Variants in GRID2 observed in about 807,000 individuals in gnomAD.
GRID2 encodes the protein glutamate receptor ionotropic, delta-2.
Under a neutral mutation model 114.8 loss-of-function variants are expected in GRID2, and 33 were observed. The ratio of observed to expected loss-of-function variants is 0.29; its 90% CI spans 0.22 to 0.38. The LOEUF (loss-of-function observed/expected upper bound fraction) is 0.38. Among genes scored for constraint, GRID2 ranks in the 10% least tolerant of loss-of-function variants. The probability of loss-of-function intolerance (pLI) is 1.00; values close to 1 mark genes in which losing one functional copy is unlikely to be tolerated. For missense variants in GRID2, 1,184 were observed against 1,257.7 expected, an observed-to-expected ratio of 0.94 and a Z score of 0.89; for synonymous variants, 505 against 449.9, an observed-to-expected ratio of 1.12 and a Z score of -1.55.
chr4:93,370,620 T>C (rs528253078), intron 8 of GRID2, among the ~76,000 whole-genome samples: 4 of 152,180 alleles, frequency 2.6e-5, no homozygotes, highest in Non-Finnish European at 5.9e-5. Flanking sequence ...TTCTTCCCTC[T>C]TTTTTCTGCT....
At chr4:93,528,125 A>G (rs918975030) in intron 13 of GRID2, among the ~76,000 whole-genome samples, 2 of 151,706 alleles carry the variant, frequency 1.3e-5, no homozygotes, top group Non-Finnish European at 2.9e-5. Flanking sequence ...ATGTGTGTGT[A>G]TATATATCCT....
chr4:93,221,843 T>C (rs1235835820), intron 6 of GRID2, among the ~76,000 whole-genome samples: 4 of 152,124 alleles, frequency 2.6e-5, no homozygotes, highest in Admixed American at 2.0e-4. Context: ...TGAGGAGACG[T>C]AGTCATTTAT....
intron 1 of GRID2, among the ~76,000 whole-genome samples, chr4:92,495,770 T>C (rs914712386): frequency 6.6e-6 from 1 of 151,832 alleles, no homozygotes; most frequent in African/African-American, 2.4e-5. Context: ...TTCAAAGTAA[T>C]TGTGTAGGGT....
chr4:92,780,894 G>A (rs1739041183), intron 2 of GRID2, among the ~76,000 whole-genome samples: 3 of 152,050 alleles, frequency 2.0e-5, no homozygotes, highest in African/African-American at 7.2e-5. Context: ...CTAGGACATT[G>A]GCAAATGACT....
chr4:93,544,948 A>ATGTGC (rs1385302475), intron 13 of GRID2, among the ~76,000 whole-genome samples: 1 of 152,156 alleles, frequency 6.6e-6, no homozygotes, highest in Admixed American at 6.5e-5. Context: ...CATTCTTAAA[A>ATGTGC]TGTGCTATTT....
At chr4:93,201,818 G>T (rs926748545) in intron 4 of GRID2, among the ~76,000 whole-genome samples, 5 of 152,154 alleles carry the variant, frequency 3.3e-5, no homozygotes, top group Non-Finnish European at 7.3e-5. Flanking sequence ...AAGACACAGT[G>T]ATAAATTGTC....
intron 11 of GRID2, among the ~76,000 whole-genome samples, chr4:93,481,586 A>G (rs2149447314): frequency 6.6e-6 from 1 of 152,176 alleles, no homozygotes; most frequent in African/African-American, 2.4e-5. Flanking sequence ...TGGAACCATA[A>G]TCTTCAAAAT....
intron 1 of GRID2, among the ~76,000 whole-genome samples, chr4:92,546,385 T>C (rs1726261984): frequency 6.6e-6 from 1 of 152,206 alleles, no homozygotes; most frequent in Non-Finnish European, 1.5e-5. Context: ...GACCCTTTTA[T>C]CATGGAGAGA....
At chr4:93,037,924 CTT>C (rs1239343521) in intron 2 of GRID2, among the ~76,000 whole-genome samples, 1 of 152,106 alleles carries the variant, frequency 6.6e-6, no homozygotes, top group Non-Finnish European at 1.5e-5. Flanking sequence ...TATGCAGACT[CTT>C]TTTTGGTTCC....
At chr4:93,257,509 A>T (rs923482031) in intron 8 of GRID2, among the ~76,000 whole-genome samples, 1 of 151,754 alleles carries the variant, frequency 6.6e-6, no homozygotes, top group Non-Finnish European at 1.5e-5. Context: ...TATTAACTTT[A>T]CAAATATTGA....
At chr4:92,663,223 T>C (rs139804217) in intron 2 of GRID2, among the ~76,000 whole-genome samples, 1,546 of 151,118 alleles carry the variant, frequency 0.01, 29 homozygotes, top group African/African-American at 0.034. Flanking sequence ...TTCAAGTAGC[T>C]CCAAGTAAAT....
chr4:92,433,636 T>C (rs140247809), intron 1 of GRID2, among the ~76,000 whole-genome samples: 59 of 152,302 alleles, frequency 3.9e-4, no homozygotes, highest in Middle Eastern at 3.4e-3. Flanking sequence ...CAAGACTGTC[T>C]TTCCACCCCC....
intron 2 of GRID2, among the ~76,000 whole-genome samples, chr4:92,621,986 A>G (rs1391235320): frequency 6.6e-6 from 1 of 151,822 alleles, no homozygotes; most frequent in Non-Finnish European, 1.5e-5. Context: ...ACATTGAACT[A>G]TTGAGCTAAT....
At chr4:93,218,451 C>T (rs1744489908) in intron 6 of GRID2, among the ~76,000 whole-genome samples, 1 of 152,008 alleles carries the variant, frequency 6.6e-6, no homozygotes, top group Non-Finnish European at 1.5e-5. Flanking sequence ...CTGCAGTGAG[C>T]CAAGATTGTG....
chr4:93,680,766 A>T (rs1725441551), intron 14 of GRID2, among the ~76,000 whole-genome samples: 1 of 152,060 alleles, frequency 6.6e-6, no homozygotes, highest in African/African-American at 2.4e-5. Flanking sequence ...TTAGGTATTG[A>T]TGGGACGTAT....
At chr4:93,622,022 T>C (rs1742258683) in intron 13 of GRID2, among the ~76,000 whole-genome samples, 1 of 152,096 alleles carries the variant, frequency 6.6e-6, no homozygotes, top group Non-Finnish European at 1.5e-5. Context: ...TTGAGGTTTG[T>C]AAAGAAGCTG....
chr4:92,801,454 G>GT (rs1371364438), intron 2 of GRID2, among the ~76,000 whole-genome samples: 18 of 151,722 alleles, frequency 1.2e-4, no homozygotes, highest in African/African-American at 3.9e-4. Context: ...CCCCATTAAG[G>GT]TAAACATTGT....
chr4:93,508,046 T>A (rs563319062), intron 12 of GRID2, among the ~76,000 whole-genome samples: 1 of 152,074 alleles, frequency 6.6e-6, no homozygotes, highest in African/African-American at 2.4e-5. Context: ...TTAGGAGATA[T>A]ACCTAATGCT....
intron 8 of GRID2, among the ~76,000 whole-genome samples, chr4:93,375,017 A>G (rs779954385): frequency 6.6e-6 from 1 of 152,046 alleles, no homozygotes; most frequent in Non-Finnish European, 1.5e-5. Flanking sequence ...GGGTAACAAC[A>G]TTAGATTTGT....
Sources: gnomAD v4.1 joint callset for allele counts (sites outside exome capture counted in the v4.1 genomes callset) on GRCh38, gnomAD v4.1.1 for gene constraint, MANE v1.5 for transcripts, NCBI Gene and HGNC (gene_info 2026-07-23, HGNC 2026-07-21) for gene names.